IGSF21: variants seen among roughly 807,000 people sequenced by gnomAD.
IGSF21 encodes immunoglobulin superfamily member 21.
A neutral mutation model predicts 46.8 loss-of-function variants in IGSF21; 28 were observed. That is an observed-to-expected ratio of 0.60 (90% CI 0.44 to 0.82). The LOEUF is 0.82. Among genes scored for constraint, IGSF21 ranks in the 40% least tolerant of loss-of-function variants. The pLI, the probability that IGSF21 is intolerant of heterozygous loss-of-function variation, is 0.00. For missense variants in IGSF21, 624 were observed against 665.5 expected (o/e 0.94, Z 0.69); for synonymous variants, 284 against 273.6 (o/e 1.04, Z -0.38).
chr1:18,370,465 T>C (rs986159659), intron 6 of IGSF21, among the ~76,000 whole-genome samples: 5 of 152,212 alleles, frequency 3.3e-5, no homozygotes, highest in African/African-American at 9.6e-5. Flanking sequence ...AAATGAATCA[T>C]AGATTTAAAA....
intron 4 of IGSF21, among the ~76,000 whole-genome samples, chr1:18,336,735 T>A (rs1490043008): frequency 6.6e-6 from 1 of 152,126 alleles, no homozygotes; most frequent in African/African-American, 2.4e-5. Flanking sequence ...ATTTCCCCCA[T>A]CTGTACTGTA....
intron 2 of IGSF21, among the ~76,000 whole-genome samples, chr1:18,230,431 T>C (rs1447309779): frequency 6.6e-6 from 1 of 152,196 alleles, no homozygotes; most frequent in Non-Finnish European, 1.5e-5. Context: ...TTATTTCATT[T>C]CACATCCTTT....
chr1:18,177,113 T>C (rs935491922), intron 1 of IGSF21, among the ~76,000 whole-genome samples: 1 of 152,218 alleles, frequency 6.6e-6, no homozygotes, highest in Non-Finnish European at 1.5e-5. Context: ...ACTGTTTATC[T>C]GGGAAGATAT....
At chr1:18,242,354 C>T (rs926988615) in intron 2 of IGSF21, among the ~76,000 whole-genome samples, 4 of 152,208 alleles carry the variant, frequency 2.6e-5, no homozygotes, top group Non-Finnish European at 4.4e-5. Context: ...AAACCGTCCA[C>T]GGCTGAGGCT....
At chr1:18,320,848 A>G (rs989700278) in intron 3 of IGSF21, among the ~76,000 whole-genome samples, 1 of 152,146 alleles carries the variant, frequency 6.6e-6, no homozygotes, top group Admixed American at 6.5e-5. Flanking sequence ...TCTGATCTCA[A>G]TGGGTGGTTG....
intron 1 of IGSF21, among the ~76,000 whole-genome samples, chr1:18,208,343 G>A (rs148537740): frequency 6.0e-5 from 8 of 134,304 alleles, no homozygotes; most frequent in Admixed American, 2.3e-4. Flanking sequence ...CAAAGGTTTC[G>A]GGTTTTGGGC....
intron 1 of IGSF21, among the ~76,000 whole-genome samples, chr1:18,147,283 GC>G (rs1440902644): frequency 6.6e-6 from 1 of 152,064 alleles, no homozygotes; most frequent in East Asian, 1.9e-4. Context: ...CTCTGGTGGT[GC>G]CTGCTCTCCC....
chr1:18,133,628 A>C (rs2086341885), intron 1 of IGSF21, among the ~76,000 whole-genome samples: 2 of 152,198 alleles, frequency 1.3e-5, no homozygotes, highest in South Asian at 4.1e-4. Context: ...CATCTCCTTC[A>C]GATCTTCCCC....
chr1:18,269,818 A>G (rs2085025875), intron 2 of IGSF21, among the ~76,000 whole-genome samples: 1 of 152,132 alleles, frequency 6.6e-6, no homozygotes, highest in South Asian at 2.1e-4. Context: ...GTCTTCCAGG[A>G]AGGCAAGGGC....
intron 1 of IGSF21, among the ~76,000 whole-genome samples, chr1:18,124,556 A>G (rs1406752020): frequency 6.7e-6 from 1 of 149,872 alleles, no homozygotes; most frequent in East Asian, 1.9e-4. Context: ...TGGACTTCCC[A>G]TCCTGACCTT....
intron 1 of IGSF21, among the ~76,000 whole-genome samples, chr1:18,194,521 G>A (rs981674881): frequency 3.3e-5 from 5 of 152,128 alleles, no homozygotes; most frequent in Non-Finnish European, 5.9e-5. Context: ...CAGAAATCTT[G>A]GTGTTCTTTG....
At chr1:18,155,108 A>G (rs1311578338) in intron 1 of IGSF21, among the ~76,000 whole-genome samples, 1 of 152,008 alleles carries the variant, frequency 6.6e-6, no homozygotes, top group East Asian at 2.0e-4. Context: ...GCCAGTCACA[A>G]GGGTCTCCAG....
At chr1:18,157,163 C>T (rs2086576228) in intron 1 of IGSF21, among the ~76,000 whole-genome samples, 1 of 152,194 alleles carries the variant, frequency 6.6e-6, no homozygotes, top group Non-Finnish European at 1.5e-5. Context: ...CATTCAGACT[C>T]AAAATAACTT....
chr1:18,134,140 A>ATGAG (rs200921685), intron 1 of IGSF21, among the ~76,000 whole-genome samples: 1,846 of 152,228 alleles, frequency 0.012, 13 homozygotes, highest in Non-Finnish European at 0.018. Flanking sequence ...TAGTAGAACC[A>ATGAG]TGAGTGAGTG....
At position 18,365,668 on chromosome 1, in the gene IGSF21, C is replaced by T. The variant is rs768326409; in HGVS notation, c.986C>T (p.Ser329Leu). The T allele has an allele frequency of 6.8e-6, 11 of 1,613,694 alleles. No individual in the cohort carries two copies. The highest frequency in any genetic ancestry group is 8.5e-6 in the Non-Finnish European group (10 of 1,179,694). Residue 329 changes from serine (S) to leucine (L), a missense_variant, in exon 6 of 10, where the codon TCG becomes TTG. By Grantham distance (145) the Ser-to-Leu change is moderately radical (BLOSUM62 -2). Coordinates refer to ENST00000251296, the MANE Select transcript of IGSF21 (RefSeq NM_032880.5). This position sits in a 1 kb window ranked among gnomAD's most constrained non-coding sequence, Gnocchi z 4.8. ...TGCGAGGTCAAGCACCCAGCTCTGT[C>T]GATGCCCATGCAGGCAGAGGTCACG... The part of the protein sequence containing the change: ...FSCEVKHPAL[S>L]MPMQAEVTLV...
chr1:18,118,860 C>A (rs934339364), intron 1 of IGSF21, among the ~76,000 whole-genome samples: 1 of 152,240 alleles, frequency 6.6e-6, no homozygotes, highest in Non-Finnish European at 1.5e-5. Context: ...TTTCAGGAAG[C>A]AATATAGTCT....
At chr1:18,321,538 A>G (rs1020768262) in intron 3 of IGSF21, among the ~76,000 whole-genome samples, 2 of 152,190 alleles carry the variant, frequency 1.3e-5, no homozygotes, top group Non-Finnish European at 2.9e-5. Flanking sequence ...ACAGCTCTGG[A>G]GACCGGGAAG....
At chr1:18,236,807 C>A (rs1346989377) in intron 2 of IGSF21, among the ~76,000 whole-genome samples, 1 of 152,174 alleles carries the variant, frequency 6.6e-6, no homozygotes, top group Non-Finnish European at 1.5e-5. Flanking sequence ...AGCTGTGTCT[C>A]ACACTCCAGT....
chr1:18,127,230 T>A (rs2086281786), intron 1 of IGSF21, among the ~76,000 whole-genome samples: 1 of 152,130 alleles, frequency 6.6e-6, no homozygotes, highest in Non-Finnish European at 1.5e-5. Flanking sequence ...TTCTGGTGGA[T>A]GAGAGAGGAA....
Sources: gnomAD v4.1 joint callset for allele counts (sites outside exome capture counted in the v4.1 genomes callset) on GRCh38, gnomAD v4.1.1 for gene constraint, Gnocchi (gnomAD v3.1) non-coding constraint, MANE v1.5 for transcripts, NCBI Gene and HGNC (gene_info 2026-07-23, HGNC 2026-07-21) for gene names.